The following SEC22A variants were observed in gnomAD, a reference collection of about 807,000 sequenced individuals.
SEC22A encodes the protein vesicle-trafficking protein SEC22a.
A neutral mutation model predicts 35.3 loss-of-function variants in SEC22A; 22 were observed. The ratio of observed to expected loss-of-function variants is 0.62; its 90% CI spans 0.45 to 0.89. The LOEUF is 0.89. SEC22A is among the 40% of genes least tolerant of loss of function. The pLI is 0.00. For missense variants in SEC22A, 354 were observed against 362.5 expected (o/e 0.98, Z 0.19); for synonymous variants, 119 against 129.5 (o/e 0.92, Z 0.55).
intron 6 of SEC22A, among the ~76,000 whole-genome samples, chr3:123,267,275 TTTTTC>T (rs1469528231): frequency 6.9e-6 from 1 of 143,988 alleles, no homozygotes; most frequent in Non-Finnish European, 1.5e-5. Flanking sequence ...AGGACTTTTT[TTTTTC>T]TTTTTTCTTT....
At chr3:123,222,888 T>TC (rs1937153689) in intron 2 of SEC22A, among the ~76,000 whole-genome samples, 1 of 152,238 alleles carries the variant, frequency 6.6e-6, no homozygotes, top group Non-Finnish European at 1.5e-5. Flanking sequence ...CCTTGCCTGA[T>TC]CCAATCTTTA....
chr3:123,234,187 A>G (rs1267548961), intron 4 of SEC22A, among the ~76,000 whole-genome samples: 1 of 152,264 alleles, frequency 6.6e-6, no homozygotes, highest in African/African-American at 2.4e-5. Context: ...TATTATTTAC[A>G]TGGTTGTACT....
intron 6 of SEC22A, 133 bp from the exon 7 acceptor site, chr3:123,271,389 A>G: frequency 1.5e-6 from 1 of 678,984 alleles, no homozygotes; most frequent in Admixed American, 2.7e-5. Context: ...ATGCTACATT[A>G]TCTTATCCCT....
chr3:123,221,895 ACTAT>A (rs1468596274), intron 2 of SEC22A, among the ~76,000 whole-genome samples: 14 of 152,104 alleles, frequency 9.2e-5, no homozygotes, highest in Admixed American at 9.2e-4. Flanking sequence ...TACCTACTTA[ACTAT>A]CTGATTTATT....
At chr3:123,265,698 C>A (rs987302787) in intron 6 of SEC22A, among the ~76,000 whole-genome samples, 13 of 152,122 alleles carry the variant, frequency 8.5e-5, no homozygotes, top group African/African-American at 2.7e-4. Context: ...CGTTTGTGAT[C>A]CATTTTGAGT....
At chr3:123,259,433 T>G in intron 5 of SEC22A, 91 bp from the exon 6 acceptor site, 1 of 877,696 alleles carries the variant, frequency 1.1e-6, no homozygotes, top group South Asian at 1.5e-5. Context: ...TTTGACTGTT[T>G]GTAAATATTG....
chr3:123,231,505 A>G (rs1937326639), intron 4 of SEC22A, among the ~76,000 whole-genome samples: 1 of 152,236 alleles, frequency 6.6e-6, no homozygotes, highest in Non-Finnish European at 1.5e-5. Flanking sequence ...ATGAAATTAG[A>G]AGTGAAAACA....
intron 4 of SEC22A, among the ~76,000 whole-genome samples, chr3:123,239,171 A>G (rs1431377219): frequency 6.6e-6 from 1 of 152,210 alleles, no homozygotes; most frequent in Non-Finnish European, 1.5e-5. Flanking sequence ...GATGACTGTC[A>G]TAGAAAAGAT....
At chr3:123,260,169 A>AAAAAAAAAAAAC (rs1559763879) in intron 6 of SEC22A, among the ~76,000 whole-genome samples, 10 of 114,836 alleles carry the variant, frequency 8.7e-5, no homozygotes, top group African/African-American at 3.5e-4. Flanking sequence ...AAAAAAAAAA[A>AAAAAAAAAAAAC]CTACTAGATT....
chr3:123,203,053 C>CT (rs779433710), intron 1 of SEC22A, among the ~76,000 whole-genome samples: 2,855 of 43,348 alleles, frequency 0.066, 545 homozygotes, highest in African/African-American at 0.074. Flanking sequence ...TGTTTAGTGC[C>CT]TTTTTTTTTT....
intron 6 of SEC22A, among the ~76,000 whole-genome samples, chr3:123,269,177 A>ATGTGTGTGTGTGTGTG (rs1223821694): frequency 1.2e-3 from 135 of 112,080 alleles, no homozygotes; most frequent in African/African-American, 4.8e-3. Context: ...TGAATTAAAT[A>ATGTGTGTGTGTGTGTG]TATGTGTGTG....
chr3:123,223,734 ATTTT>A lies in SEC22A; in HGVS notation c.346+18_346+21del. The A allele has an allele frequency of 6.3e-7, 1 of 1,592,124 alleles. No individual in the cohort carries two copies. Among genetic ancestry groups the A allele is most frequent in the Non-Finnish European group, 8.6e-7 (1 of 1,166,352 alleles). Reference sequence around the variant, plus strand: ...TTTCATTGAATTTGGTAAGGGCCTGATTTTTTTTTCCTTTTTATTCTGTCTGCAT... The same window carrying A: ...TTTCATTGAATTTGGTAAGGGCCTGATTTTTCCTTTTTATTCTGTCTGCAT... On this transcript the variant is annotated intron_variant, in intron 3 of 6. Transcript: ENST00000492595.
At chr3:123,255,652 T>A (rs551092168) in intron 5 of SEC22A, among the ~76,000 whole-genome samples, 32 of 152,316 alleles carry the variant, frequency 2.1e-4, no homozygotes, top group African/African-American at 7.5e-4. Flanking sequence ...ATGCAATTAT[T>A]CTTTTAAAAT....
chr3:123,243,057 T>G (rs1415289649), intron 4 of SEC22A, among the ~76,000 whole-genome samples: 2 of 152,138 alleles, frequency 1.3e-5, no homozygotes, highest in Admixed American at 6.6e-5. Flanking sequence ...TGTGTCCACC[T>G]CCCTTTCTGA....
At chr3:123,207,996 A>G (rs189969347) in intron 1 of SEC22A, among the ~76,000 whole-genome samples, 1 of 152,316 alleles carries the variant, frequency 6.6e-6, no homozygotes, top group Non-Finnish European at 1.5e-5. Flanking sequence ...AAATTATAAA[A>G]TAATAATAAC....
chr3:123,260,166 A>C (rs1378973924), intron 6 of SEC22A, among the ~76,000 whole-genome samples: 2 of 123,528 alleles, frequency 1.6e-5, no homozygotes, highest in East Asian at 2.2e-4. Flanking sequence ...AAAAAAAAAA[A>C]AAACTACTAG....
Position 123,223,680 on chromosome 3 carries a change from A to C in SEC22A, c.304A>C (p.Lys102Gln). The change falls in exon 3 of 7, where the codon AAG (lysine) becomes CAG (glutamine). Residue 102 changes from lysine (K) to glutamine (Q), a missense_variant. By Grantham distance (53) the Lys-to-Gln change is moderately conservative (BLOSUM62 1). Coordinates refer to ENST00000492595, the MANE Select transcript of SEC22A (RefSeq NM_012430.5). ...GTTCATTACTACTTATAACATGATG[A>C]AGACAAATACTGCTGTCAGACCATA... ...KEFITTYNMM[K>Q]TNTAVRPYCF... The C allele has an allele frequency of 6.2e-7, 1 of 1,613,716 alleles. No individual in the cohort carries two copies. Among genetic ancestry groups the C allele is most frequent in the Non-Finnish European group, 8.5e-7 (1 of 1,179,772 alleles).
At chr3:123,222,391 G>A (rs1937142752) in intron 2 of SEC22A, among the ~76,000 whole-genome samples, 1 of 151,902 alleles carries the variant, frequency 6.6e-6, no homozygotes, top group Non-Finnish European at 1.5e-5. Context: ...TAGAGACGGG[G>A]TTTCACCATG....
chr3:123,210,808 G>A (rs1936929530), intron 2 of SEC22A, among the ~76,000 whole-genome samples: 1 of 152,188 alleles, frequency 6.6e-6, no homozygotes, highest in African/African-American at 2.4e-5. Context: ...TGAGACATGA[G>A]CCATGTCCTG....
Sources: gnomAD v4.1 joint callset for allele counts (sites outside exome capture counted in the v4.1 genomes callset) on GRCh38, gnomAD v4.1.1 for gene constraint, MANE v1.5 for transcripts, NCBI Gene and HGNC (gene_info 2026-07-23, HGNC 2026-07-21) for gene names.